LRFN2: variants seen among roughly 807,000 people sequenced by gnomAD.
LRFN2 encodes leucine rich repeat and fibronectin type III domain containing 2.
A neutral mutation model predicts 37.3 loss-of-function variants in LRFN2; 18 were observed. The observed-to-expected ratio is 0.48, with a 90% confidence interval of 0.33 to 0.72. LRFN2 has a LOEUF of 0.72. LRFN2 is among the 30% of genes least tolerant of loss of function. The pLI is 0.02. For missense variants in LRFN2, 1,006 were observed against 1,060.7 expected (o/e 0.95, Z 0.72); for synonymous variants, 556 against 466.6 (o/e 1.19, Z -2.47).
At chr6:40,499,479 T>C (rs986483832) in intron 1 of LRFN2, among the ~76,000 whole-genome samples, 3 of 152,134 alleles carry the variant, frequency 2.0e-5, no homozygotes, top group African/African-American at 7.2e-5. Flanking sequence ...CAGGAGAAGA[T>C]TTCTGCAACA....
intron 2 of LRFN2, among the ~76,000 whole-genome samples, chr6:40,429,736 A>G (rs1295533998): frequency 6.6e-6 from 1 of 152,238 alleles, no homozygotes; most frequent in Non-Finnish European, 1.5e-5. Context: ...TTTATGGGCA[A>G]AAATATCCCT....
intron 1 of LRFN2, among the ~76,000 whole-genome samples, chr6:40,464,822 C>T (rs1318470599): frequency 6.6e-6 from 1 of 152,086 alleles, no homozygotes; most frequent in African/African-American, 2.4e-5. Context: ...GAATAAGTAC[C>T]CCAGCCTTCT....
chr6:40,466,082 C>A (rs911476153), intron 1 of LRFN2, among the ~76,000 whole-genome samples: 3 of 152,168 alleles, frequency 2.0e-5, no homozygotes, highest in Non-Finnish European at 4.4e-5. Context: ...TACTGACTCT[C>A]TCTTTCATTA....
chr6:40,466,421 A>G (rs1016142791), intron 1 of LRFN2, among the ~76,000 whole-genome samples: 3 of 152,168 alleles, frequency 2.0e-5, no homozygotes, highest in African/African-American at 7.2e-5. Context: ...TCTCAGTCCC[A>G]TTTTTAAAGA....
chr6:40,544,470 T>C (rs1017354851), intron 1 of LRFN2, among the ~76,000 whole-genome samples: 1 of 152,250 alleles, frequency 6.6e-6, no homozygotes, highest in African/African-American at 2.4e-5. Context: ...TGTGTGTGCC[T>C]GTGTTCCCCT....
rs539930134 is a variant in LRFN2 at position 40,586,762 on chromosome 6, C to T, written c.-19+179G>A. Among the ~76,000 whole-genome samples, 6 of 152,314 alleles carry T rather than the reference C, an allele frequency of 3.9e-5. No homozygotes were observed. The East Asian group carries it at 1.2e-3, about 29-fold the overall frequency. On this transcript the variant is annotated intron_variant, in intron 1 of 2. Coordinates refer to ENST00000338305, the MANE Select transcript of LRFN2 (RefSeq NM_020737.3). Reference sequence around the variant, plus strand: ...ACTAAAGAAAGGAAAGGAAATCTCTCGCGATAAGGATGGGCGAAAAGAGAA... The same window carrying T: ...ACTAAAGAAAGGAAAGGAAATCTCTTGCGATAAGGATGGGCGAAAAGAGAA...
At chr6:40,475,124 C>T (rs1426546724) in intron 1 of LRFN2, among the ~76,000 whole-genome samples, 4 of 152,188 alleles carry the variant, frequency 2.6e-5, no homozygotes, top group African/African-American at 9.7e-5. Flanking sequence ...CCCAAAGTCT[C>T]TGAGATGGGG....
Position 40,463,670 on chromosome 6 carries a change from A to ATTTTTTTT in LRFN2, c.-18-30547_-18-30540dup, listed in dbSNP as rs66745321. Among the ~76,000 whole-genome samples, 112 of 76,528 alleles carry ATTTTTTTT rather than the reference A, an allele frequency of 1.5e-3. 3 individuals carry two copies. The highest frequency in any genetic ancestry group is 3.7e-3 in the Admixed American group (19 of 5,082). The allele number at this position is 76,528 out of a possible 152,430, so 50.2% of individuals were successfully genotyped here. A position where few individuals can be genotyped will look rare whatever the true frequency, so the allele number is the denominator to read the frequency against. ...TACATCATACTATTTCTTTCTTTCT[A>ATTTTTTTT]TTTTTTTTTTTTTTTTTTTTTTTTG... On this transcript the variant is annotated intron_variant, in intron 1 of 2. Coordinates refer to ENST00000338305, the MANE Select transcript of LRFN2 (RefSeq NM_020737.3).
chr6:40,440,323 G>C (rs1416078145), intron 1 of LRFN2, among the ~76,000 whole-genome samples: 5 of 152,064 alleles, frequency 3.3e-5, no homozygotes, highest in Non-Finnish European at 7.4e-5. Flanking sequence ...AGCTTTTATT[G>C]TGTTGCAACA....
At chr6:40,475,647 A>G (rs1469501292) in intron 1 of LRFN2, among the ~76,000 whole-genome samples, 1 of 152,194 alleles carries the variant, frequency 6.6e-6, no homozygotes, top group East Asian at 1.9e-4. Context: ...CCCTAAAACT[A>G]AGCTCTTCTC....
chr6:40,419,526 C>T (rs910685154), intron 2 of LRFN2, among the ~76,000 whole-genome samples: 1 of 152,196 alleles, frequency 6.6e-6, no homozygotes, highest in Non-Finnish European at 1.5e-5. Context: ...CTCCAGCCAA[C>T]CTGCAGAGCT....
chr6:40,429,337 G>A (rs1266907506), intron 2 of LRFN2, among the ~76,000 whole-genome samples: 1 of 152,176 alleles, frequency 6.6e-6, no homozygotes, highest in East Asian at 1.9e-4. Context: ...TTGCCTTCTG[G>A]CATCCAACAT....
At chr6:40,420,389 A>G (rs1399362887) in intron 2 of LRFN2, among the ~76,000 whole-genome samples, 1 of 152,250 alleles carries the variant, frequency 6.6e-6, no homozygotes, top group Non-Finnish European at 1.5e-5. Flanking sequence ...CTAATTGTCA[A>G]GAAGTAAGCT....
rs117065064 is a variant in LRFN2 at position 40,418,206 on chromosome 6, G to A, written c.1400+13508C>T. ...CAGGATGAATGCATCCCTCCCCAGG[G>A]CCTCTGTATGTGCTGTTTCACCTGC... On this transcript the variant is annotated intron_variant, in intron 2 of 2. Coordinates refer to ENST00000338305, the MANE Select transcript of LRFN2 (RefSeq NM_020737.3). Among the ~76,000 whole-genome samples the A allele has an allele frequency of 2.8e-3, 424 of 152,146 alleles. 3 individuals are homozygous for A. The highest frequency in any genetic ancestry group is 0.017 in the East Asian group (87 of 5,160).
chr6:40,449,109 A>C (rs1050910817), intron 1 of LRFN2, among the ~76,000 whole-genome samples: 1 of 152,202 alleles, frequency 6.6e-6, no homozygotes, highest in East Asian at 1.9e-4. Flanking sequence ...CACATGGTGA[A>C]TATAGTTAAT....
chr6:40,417,658 C>T lies in LRFN2; in HGVS notation c.1400+14056G>A, dbSNP rs75998668. ...CAGGGGGAGATCCAAAACTCCTCTC[C>T]ACTCACGGCTATGAGTTGGGCCTCA... On this transcript the variant is annotated intron_variant, in intron 2 of 2. Transcript: ENST00000338305. Among the ~76,000 whole-genome samples the T allele has an allele frequency of 9.9e-3, 1,500 of 152,258 alleles. 24 individuals are homozygous for T. The highest frequency in any genetic ancestry group is 0.034 in the African/African-American group (1,432 of 41,534).
At chr6:40,475,821 C>G (rs1377755252) in intron 1 of LRFN2, among the ~76,000 whole-genome samples, 1 of 152,118 alleles carries the variant, frequency 6.6e-6, no homozygotes, top group Admixed American at 6.5e-5. Context: ...TCCCAGGTTA[C>G]AGAAGAGCAA....
chr6:40,547,366 A>C (rs1474759157), intron 1 of LRFN2, among the ~76,000 whole-genome samples: 2 of 152,210 alleles, frequency 1.3e-5, no homozygotes, highest in South Asian at 2.1e-4. Context: ...TAGCCTCCCA[A>C]AGTGCTGGGA....
intron 1 of LRFN2, among the ~76,000 whole-genome samples, chr6:40,556,837 T>C (rs1176336107): frequency 6.6e-6 from 1 of 151,980 alleles, no homozygotes; most frequent in Non-Finnish European, 1.5e-5. Flanking sequence ...TGACCCCAAG[T>C]TTGACCCACT....
Sources: allele counts gnomAD v4.1 joint callset (sites outside exome capture counted in the v4.1 genomes callset), GRCh38; gene constraint gnomAD v4.1.1; transcripts MANE v1.5; gene names NCBI Gene and HGNC (gene_info 2026-07-23, HGNC 2026-07-21).